SMAD4: variants seen among roughly 807,000 people sequenced by gnomAD.
The protein encoded by SMAD4 is SMAD family member 4, also known as MAD homolog 4.
In SMAD4, 7 loss-of-function variants were observed where a neutral mutation model predicts 63.2. The ratio of observed to expected loss-of-function variants is 0.11; its 90% CI spans 0.06 to 0.21. SMAD4 has a LOEUF of 0.21. SMAD4 is among the 10% of genes least tolerant of loss of function. The probability of loss-of-function intolerance (pLI) is 1.00; values close to 1 mark genes in which losing one functional copy is unlikely to be tolerated. For synonymous variants in SMAD4, 215 were observed against 235.4 expected (o/e 0.91, Z 0.79); for missense variants, 312 against 693.8 (o/e 0.45, Z 6.18).
Position 51,036,906 on chromosome 18 carries a change from T to C in SMAD4, c.-128+6283T>C, listed in dbSNP as rs548508036. ...GGTGCGGTGACTCACGCCTGTAATC[T>C]CAGCACTTTGGGAGGCCAAGGGGGG... On this transcript the variant is annotated intron_variant, in intron 1 of 11. Transcript: ENST00000342988. Among the ~76,000 whole-genome samples the C allele has an allele frequency of 1.9e-4, 29 of 152,276 alleles. No individual in the cohort carries two copies. The South Asian group carries it at 4.4e-3, about 23-fold the overall frequency.
Position 51,082,478 on chromosome 18 carries a change from A to G in SMAD4, c.*4011A>G, listed in dbSNP as rs1225418832. 7 of 228,962 alleles carry G rather than the reference A, an allele frequency of 3.1e-5. No individual in the cohort carries two copies. The East Asian group carries it at 4.4e-4, about 14-fold the overall frequency. 14.2% of individuals were successfully genotyped at this position (228,962 alleles called of 1,614,324 possible). On this transcript the variant is annotated 3_prime_UTR_variant, in exon 12 of 12. Coordinates refer to ENST00000342988, the MANE Select transcript of SMAD4 (RefSeq NM_005359.6). ...TTGTCCCAGTGCTGCTAGGTTGCTTATCTTGTTTATCTGGAATCACTGTGG... is the reference window on the plus strand; with the variant it reads ...TTGTCCCAGTGCTGCTAGGTTGCTTGTCTTGTTTATCTGGAATCACTGTGG...
intron 1 of SMAD4, among the ~76,000 whole-genome samples, chr18:51,033,281 C>A (rs1363804124): frequency 6.7e-6 from 1 of 149,010 alleles, no homozygotes; most frequent in African/African-American, 2.5e-5. Flanking sequence ...ACCCCGCCTT[C>A]CGGGTTCAAG....
In SMAD4 at chr18:51,079,986, TA is replaced by T. The variant is rs1910571233; in HGVS notation, c.*1520del. 3 of 231,868 alleles carry T rather than the reference TA, an allele frequency of 1.3e-5. No homozygotes were observed. Among genetic ancestry groups the T allele is most frequent in the African/African-American group, 4.4e-5 (2 of 45,248 alleles). 14.4% of individuals were successfully genotyped at this position (231,868 alleles called of 1,614,324 possible). On this transcript the variant is annotated 3_prime_UTR_variant, in exon 12 of 12. Coordinates refer to ENST00000342988, the MANE Select transcript of SMAD4 (RefSeq NM_005359.6). ...GTTGGTTTTTTTTTTTTTTAATTTT[TA>T]TTTTACTATAGCAGAAATAGACCTG...
chr18:51,056,575 G>C (rs1431919318), intron 5 of SMAD4, among the ~76,000 whole-genome samples: 1 of 138,554 alleles, frequency 7.2e-6, no homozygotes, highest in Non-Finnish European at 1.5e-5. Context: ...AGCAGAGAGC[G>C]AGTCACTGCA....
chr18:51,067,615 G>T (rs1599197512), intron 10 of SMAD4, among the ~76,000 whole-genome samples: 1 of 152,150 alleles, frequency 6.6e-6, no homozygotes, highest in East Asian at 1.9e-4. Context: ...GTTTCACCAT[G>T]TTGGCCAGGC....
At chr18:51,064,585 ATAAT>A (rs1405599538) in intron 8 of SMAD4, among the ~76,000 whole-genome samples, 1 of 152,232 alleles carries the variant, frequency 6.6e-6, no homozygotes, top group Non-Finnish European at 1.5e-5. Context: ...GCTTGATGTA[ATAAT>A]TGTTGTTTAC....
At chr18:51,064,875 G>C (rs1202223142) in intron 8 of SMAD4, among the ~76,000 whole-genome samples, 1 of 152,130 alleles carries the variant, frequency 6.6e-6, no homozygotes, top group East Asian at 1.9e-4. Context: ...ACTCAGGGAT[G>C]GGATAGCTGA....
intron 4 of SMAD4, among the ~76,000 whole-genome samples, chr18:51,051,863 A>G (rs1475281464): frequency 5.3e-5 from 8 of 151,944 alleles, no homozygotes; most frequent in East Asian, 3.9e-4. Context: ...CTGGAGTACA[A>G]TGGTGCGATT....
chr18:51,046,292 A>C (rs1312751683), intron 1 of SMAD4, among the ~76,000 whole-genome samples: 2 of 152,150 alleles, frequency 1.3e-5, no homozygotes, highest in African/African-American at 4.8e-5. Flanking sequence ...TGATATATCC[A>C]TCTCAGTAGG....
intron 10 of SMAD4, among the ~76,000 whole-genome samples, chr18:51,073,388 TACACACACACACACACAC>T (rs201632233): frequency 1.2e-4 from 8 of 64,160 alleles, no homozygotes; most frequent in East Asian, 5.6e-4. Flanking sequence ...TATATATATA[TACACACACACACACACAC>T]ACACACACAC....
At chr18:51,050,548 A>G (rs767265009) in intron 4 of SMAD4, among the ~76,000 whole-genome samples, 2 of 151,350 alleles carry the variant, frequency 1.3e-5, no homozygotes, top group East Asian at 3.9e-4. Flanking sequence ...AGTCCCAGCT[A>G]CTTGGGAAGC....
intron 1 of SMAD4, among the ~76,000 whole-genome samples, chr18:51,045,420 G>C (rs1909513961): frequency 6.6e-6 from 1 of 152,150 alleles, no homozygotes; most frequent in Non-Finnish European, 1.5e-5. Context: ...ACAGGCTCCA[G>C]TCCTGCTTTA....
At chr18:51,034,625 G>T (rs1198384750) in intron 1 of SMAD4, among the ~76,000 whole-genome samples, 1 of 151,890 alleles carries the variant, frequency 6.6e-6, no homozygotes, top group Non-Finnish European at 1.5e-5. Context: ...GCTCACTGCA[G>T]CCTCTACCAC....
rs1272052609 is a variant in SMAD4, at chr18:51,082,721, T to C, written c.*4254T>C. 2 of 231,736 alleles carry C rather than the reference T, an allele frequency of 8.6e-6. No individual in the cohort carries two copies. Among genetic ancestry groups the C allele is most frequent in the Non-Finnish European group, 1.7e-5 (2 of 117,222 alleles). 14.4% of individuals were successfully genotyped at this position (231,736 alleles called of 1,614,324 possible). ...TAAATGGTCTGAGACAGCTATGGTTTTGAATTTTTAGTTTTTTTTTTTTAA... is the reference window on the plus strand; with the variant it reads ...TAAATGGTCTGAGACAGCTATGGTTCTGAATTTTTAGTTTTTTTTTTTTAA... On this transcript the variant is annotated 3_prime_UTR_variant, in exon 12 of 12. Transcript: ENST00000342988.
chr18:51,040,719 G>C (rs920270789), intron 1 of SMAD4, among the ~76,000 whole-genome samples: 2 of 152,156 alleles, frequency 1.3e-5, no homozygotes, highest in African/African-American at 4.8e-5. Context: ...TATGGTCAAC[G>C]TCAGGTGACA....
In SMAD4 at chr18:51,081,300, C is replaced by G. The variant is rs566182609; in HGVS notation, c.*2833C>G. ...TGAGAGATGAGCCATGTACACCCAC[C>G]GTAAGACCTCATTCCATGTTTGTCC... On this transcript the variant is annotated 3_prime_UTR_variant, in exon 12 of 12. Transcript: ENST00000342988. The G allele has an allele frequency of 1.3e-5, 3 of 227,408 alleles. No individual in the cohort carries two copies. The highest frequency in any genetic ancestry group is 5.7e-5 in the Admixed American group (1 of 17,586). The allele number at this position is 227,408 out of a possible 1,614,324, so 14.1% of individuals were successfully genotyped here. A position where few individuals can be genotyped will look rare whatever the true frequency, so the allele number is the denominator to read the frequency against.
rs1025549648 is a variant in SMAD4, at chr18:51,063,962, G to T, written c.956-1461G>T. On this transcript the variant is annotated intron_variant, in intron 8 of 11. Coordinates refer to ENST00000342988, the MANE Select transcript of SMAD4 (RefSeq NM_005359.6). ...TTGGAAAGTATTTTATTGCTTGGCA[G>T]CATTTTGAAAAGTAATTAGGGTACA... is the stretch of plus-strand genomic sequence containing the variant. Among the ~76,000 whole-genome samples the T allele has an allele frequency of 2.0e-5, 3 of 152,012 alleles. No individual in the cohort carries two copies. In the East Asian group the frequency reaches 5.8e-4, roughly 29 times the overall value.
intron 8 of SMAD4, among the ~76,000 whole-genome samples, chr18:51,063,439 G>T (rs567922960): frequency 1.1e-3 from 173 of 151,980 alleles, no homozygotes; most frequent in Admixed American, 2.2e-3. Context: ...TTGAGACGGG[G>T]TCTCACTCTG....
chr18:51,069,927 C>T (rs1910272465), intron 10 of SMAD4, among the ~76,000 whole-genome samples: 1 of 152,186 alleles, frequency 6.6e-6, no homozygotes, highest in African/African-American at 2.4e-5. Context: ...AGTCTCTGCT[C>T]TCCACTGTGG....
Sources: gnomAD v4.1 joint callset for allele counts (sites outside exome capture counted in the v4.1 genomes callset) on GRCh38, gnomAD v4.1.1 for gene constraint, MANE v1.5 for transcripts, NCBI Gene and HGNC (gene_info 2026-07-23, HGNC 2026-07-21) for gene names.